The following MRPL9 variants were observed in gnomAD, a reference collection of about 807,000 sequenced individuals.
The protein encoded by MRPL9 is mitochondrial ribosomal protein L9.
A neutral mutation model predicts 27.6 loss-of-function variants in MRPL9; 25 were observed. The observed-to-expected ratio is 0.91, with a 90% CI of 0.66 to 1.27. MRPL9 has a LOEUF of 1.27. Ranked by LOEUF, MRPL9 falls within the 50% of genes most tolerant of loss-of-function variation. The probability of loss-of-function intolerance (pLI) is 0.00; values close to 1 mark genes in which losing one functional copy is unlikely to be tolerated. For synonymous variants in MRPL9, 154 were observed against 139.0 expected (o/e 1.11, Z -0.76); for missense variants, 362 against 338.0 (o/e 1.07, Z -0.56).
rs1321025924 is a variant in MRPL9 at position 151,763,495 on chromosome 1, A to G, written c.-16T>C. 4 of 1,553,640 alleles carry G rather than the reference A, an allele frequency of 2.6e-6. No homozygotes were observed. The highest frequency in any genetic ancestry group is 2.7e-5 in the African/African-American group (2 of 73,552). On this transcript the variant is annotated 5_prime_UTR_variant, in exon 1 of 7. Transcript: ENST00000368830. ...GCGCCGCCATGTTCACAGGCACAGA[A>G]TGAGACCTGAGGGAGGACCCCGGCG...
At chr1:151,762,688 A>C (rs1233160481) in intron 2 of MRPL9, 188 bp from the exon 3 acceptor site, 1 of 677,330 alleles carries the variant, frequency 1.5e-6, no homozygotes, top group African/African-American at 1.8e-5. Flanking sequence ...TGATGTATAA[A>C]TTTAATATCC....
chr1:151,759,840 A>C lies in MRPL9; in HGVS notation c.*210T>G, dbSNP rs1647980103. On this transcript the variant is annotated 3_prime_UTR_variant, in exon 7 of 7. Coordinates refer to ENST00000368830, the MANE Select transcript of MRPL9 (RefSeq NM_031420.4). ...TAGCTTATCAAATCTACAGCCTGGTACTTCTGGAACAGGACTTCCCTGCCC... is the reference window on the plus strand; with the variant it reads ...TAGCTTATCAAATCTACAGCCTGGTCCTTCTGGAACAGGACTTCCCTGCCC... 5.4e-6 allele frequency: 3 copies of C among 560,666 alleles called. No individual in the cohort carries two copies. In the East Asian group the frequency reaches 1.1e-4, roughly 20 times the overall value. 34.7% of individuals were successfully genotyped at this position (560,666 alleles called of 1,614,324 possible). A position where few individuals can be genotyped will look rare whatever the true frequency, so the allele number is the denominator to read the frequency against.
rs746293173 is a variant in MRPL9, at chr1:151,762,408, C to T, written c.403G>A (p.Glu135Lys). 3 of 1,614,180 alleles carry T rather than the reference C, an allele frequency of 1.9e-6. No individual in the cohort carries two copies. Among genetic ancestry groups the T allele is most frequent in the African/African-American group, 1.3e-5 (1 of 75,056 alleles). Residue 135 changes from glutamate to lysine, a missense_variant, in exon 3 of 7, where the codon GAA becomes AAA. Glu to Lys is a moderately conservative substitution (Grantham distance 56). Transcript: ENST00000368830. ...TCCTCTTCAAACAGCTTCTTGTTTT[C>T]AGGGGATGCATATACAGCCAGTCCC... ...PQGLAVYASP[E>K]NKKLFEEEKL...
chr1:151,760,227 A>G, intron 6 of MRPL9, 46 bp from the exon 7 acceptor site: 1 of 1,611,112 alleles, frequency 6.2e-7, no homozygotes, highest in South Asian at 1.1e-5. Flanking sequence ...TCAGGTAAGT[A>G]AGATTTAGCA....
Position 151,759,838 on chromosome 1 carries a change from G to GTACT in MRPL9, c.*208_*211dup, listed in dbSNP as rs1647979993. 3 of 556,194 alleles carry GTACT rather than the reference G, an allele frequency of 5.4e-6. No homozygotes were observed. Among genetic ancestry groups the GTACT allele is most frequent in the Admixed American group, 7.8e-5 (2 of 25,646 alleles). 34.5% of individuals were successfully genotyped at this position (556,194 alleles called of 1,614,324 possible). A position where few individuals can be genotyped will look rare whatever the true frequency, so the allele number is the denominator to read the frequency against. Reference sequence around the variant, plus strand: ...TCTAGCTTATCAAATCTACAGCCTGGTACTTCTGGAACAGGACTTCCCTGC... The same window carrying GTACT: ...TCTAGCTTATCAAATCTACAGCCTGGTACTTACTTCTGGAACAGGACTTCCCTGC... On this transcript the variant is annotated 3_prime_UTR_variant, in exon 7 of 7. Coordinates refer to ENST00000368830, the MANE Select transcript of MRPL9 (RefSeq NM_031420.4).
At chr1:151,760,947 G>A in intron 5 of MRPL9, 48 bp from the exon 6 acceptor site, 1 of 1,444,984 alleles carries the variant, frequency 6.9e-7, no homozygotes, top group Non-Finnish European at 9.2e-7. Context: ...AATGAACTCT[G>A]TTTTCATGAC....
At chr1:151,762,671 T>G in intron 2 of MRPL9, 171 bp from the exon 3 acceptor site, 1 of 712,134 alleles carries the variant, frequency 1.4e-6, no homozygotes, top group South Asian at 2.1e-5. Context: ...TTAGTTTCTT[T>G]AGAACTTGAT....
At chr1:151,762,943 G>A (rs776759717) in intron 2 of MRPL9, 47 bp downstream of exon 2, 1 of 1,593,848 alleles carries the variant, frequency 6.3e-7, no homozygotes, top group Admixed American at 1.8e-5. Context: ...AAAAGCTGAT[G>A]CCAAACCGGA....
chr1:151,763,243 C>G (rs1648198020), intron 1 of MRPL9, 84 bp downstream of exon 1: 4 of 1,533,968 alleles, frequency 2.6e-6, no homozygotes, highest in African/African-American at 1.4e-5. Context: ...CCGCCACCCC[C>G]ACATCGGCCC....
intron 3 of MRPL9, 87 bp downstream of exon 3, chr1:151,762,289 A>AGTT (rs1311584224): frequency 1.3e-6 from 2 of 1,591,990 alleles, no homozygotes; most frequent in African/African-American, 1.3e-5. Flanking sequence ...TTCATTTTCA[A>AGTT]GTTAAGTTAA....
At position 151,763,160 on chromosome 1, in the gene MRPL9, A is replaced by C; in HGVS notation, c.154-14T>G. On this transcript the variant is annotated splice_polypyrimidine_tract_variant and intron_variant, in intron 1 of 6. Transcript: ENST00000368830. ...GATGACCGTGCCCTGGCGGCCAGGA[A>C]AGCGACGGTAAGCTAGTCTCCACAA... 1.2e-6 allele frequency: 2 copies of C among 1,611,644 alleles called. No homozygotes were observed. The highest frequency in any genetic ancestry group is 2.2e-5 in the South Asian group (2 of 90,828).
rs749334280 is a variant in MRPL9 at position 151,760,103 on chromosome 1, A to G, written c.751T>C (p.Trp251Arg). 1 of 1,614,032 alleles carries G rather than the reference A, an allele frequency of 6.2e-7. No homozygotes were observed. The highest frequency in any genetic ancestry group is 1.3e-5 in the African/African-American group (1 of 74,902). Reference protein sequence around the residue: ...EKPKTKRYKYWLAQQAAKAMA... With the variant: ...EKPKTKRYKYRLAQQAAKAMA... ...GCCTTGGCAGCTTGCTGGGCTAACC[A>G]GTACTTATATCTTTTGGTCTTGGGC... The change falls in exon 7 of 7, where the codon TGG becomes CGG. Residue 251 changes from tryptophan (W) to arginine (R), a missense_variant. Physicochemically the swap from Trp to Arg is moderately radical, Grantham distance 101. Coordinates refer to ENST00000368830, the MANE Select transcript of MRPL9 (RefSeq NM_031420.4).
chr1:151,761,337 T>C (rs373260181), intron 5 of MRPL9, 114 bp downstream of exon 5: 3 of 764,688 alleles, frequency 3.9e-6, no homozygotes, highest in Non-Finnish European at 2.3e-6. Flanking sequence ...ATACTTTCCT[T>C]AACTACAACT....
chr1:151,760,221 G>A, intron 6 of MRPL9, 40 bp from the exon 7 acceptor site: 1 of 1,613,030 alleles, frequency 6.2e-7, no homozygotes, highest in Non-Finnish European at 8.5e-7. Context: ...GATCAGTCAG[G>A]TAAGTAAGAT....
intron 4 of MRPL9, chr1:151,761,851 C>T (rs550728306): frequency 6.2e-5 from 37 of 594,286 alleles, no homozygotes; most frequent in African/African-American, 6.1e-4. Context: ...GAAGGCAGAG[C>T]CCTCATCTCA....
Position 151,763,490 on chromosome 1 carries a change from A to T in MRPL9, c.-11T>A, listed in dbSNP as rs771618146. The T allele has an allele frequency of 3.8e-6, 6 of 1,565,460 alleles. No homozygotes were observed. The highest frequency in any genetic ancestry group is 4.3e-6 in the Non-Finnish European group (5 of 1,155,572). On this transcript the variant is annotated 5_prime_UTR_variant, in exon 1 of 7. Transcript: ENST00000368830. ...AACGGGCGCCGCCATGTTCACAGGC[A>T]CAGAATGAGACCTGAGGGAGGACCC...
rs892195347 is a variant in MRPL9 at position 151,759,908 on chromosome 1, T to G, written c.*142A>C. The G allele has an allele frequency of 9.2e-7, 1 of 1,090,768 alleles. No homozygotes were observed. Among genetic ancestry groups the G allele is most frequent in the African/African-American group, 1.6e-5 (1 of 62,486 alleles). 67.6% of individuals were successfully genotyped at this position (1,090,768 alleles called of 1,614,324 possible). A position where few individuals can be genotyped will look rare whatever the true frequency, so the allele number is the denominator to read the frequency against. On this transcript the variant is annotated 3_prime_UTR_variant, in exon 7 of 7. Coordinates refer to ENST00000368830, the MANE Select transcript of MRPL9 (RefSeq NM_031420.4). ...GATGGCAAAAATGAAGAATTCAACA[T>G]GTATACGCAGTGCAGTCTGATGTCT...
chr1:151,762,308 G>A, intron 3 of MRPL9, 68 bp downstream of exon 3: 1 of 1,604,278 alleles, frequency 6.2e-7, no homozygotes, highest in Non-Finnish European at 8.5e-7. Flanking sequence ...AAATGTCAAA[G>A]GGAAGGAAGC....
rs1209077958 is a variant in MRPL9, at chr1:151,763,062, A to G, written c.238T>C (p.Tyr80His). The G allele has an allele frequency of 1.9e-6, 3 of 1,614,194 alleles. No individual in the cohort carries two copies. Among genetic ancestry groups the G allele is most frequent in the Non-Finnish European group, 2.5e-6 (3 of 1,180,042 alleles). ...KPRLHRRHRV[Y>H]KLVEDTKHRP... ...TGCTTCGTGTCCTCCACCAGCTTATAGACGCGATGTCGCCGGTGCAGGCGC... is the reference window on the plus strand; with the variant it reads ...TGCTTCGTGTCCTCCACCAGCTTATGGACGCGATGTCGCCGGTGCAGGCGC... The change falls in exon 2 of 7, where the codon TAT becomes CAT. Residue 80 changes from tyrosine (Y) to histidine (H), a missense_variant. Physicochemically the swap from Tyr to His is moderately conservative, Grantham distance 83. Coordinates refer to ENST00000368830, the MANE Select transcript of MRPL9 (RefSeq NM_031420.4).
Sources: allele counts gnomAD v4.1 joint callset, GRCh38; gene constraint gnomAD v4.1.1; transcripts MANE v1.5; gene names NCBI Gene and HGNC (gene_info 2026-07-23, HGNC 2026-07-21).